Variants in TRPV1 observed in about 807,000 individuals in gnomAD.
TRPV1 encodes the protein OTRPC1.
Under a neutral mutation model 82.3 loss-of-function variants are expected in TRPV1, and 82 were observed. The ratio of observed to expected loss-of-function variants is 1.00; its 90% CI spans 0.83 to 1.20. The LOEUF is 1.20. TRPV1 is among the 50% of genes most tolerant of loss of function. TRPV1 has a pLI of 0.00. For missense variants in TRPV1, 1,067 were observed against 1,096.8 expected (o/e 0.97, Z 0.38); for synonymous variants, 515 against 467.7 (o/e 1.10, Z -1.30).
In TRPV1 at chr17:3,609,322, T is replaced by TGAGAGAGAGAGAGAGAGAGA. The variant is rs3840876; in HGVS notation, c.-206_-187dup. ...TATGTTTCATACCTGTCATGGATAC[T>TGAGAGAGAGAGAGAGAGAGA]GAGAGAGAGAGAGAGAGAGAGAGAG... On this transcript the variant is annotated 5_prime_UTR_variant, in exon 1 of 17. Transcript: ENST00000572705. The TGAGAGAGAGAGAGAGAGAGA allele has an allele frequency of 5.2e-4, 77 of 148,672 alleles. No individual in the cohort carries two copies. Among genetic ancestry groups the TGAGAGAGAGAGAGAGAGAGA allele is most frequent in the African/African-American group, 1.5e-3 (61 of 40,016 alleles). 9.2% of individuals were successfully genotyped at this position (148,672 alleles called of 1,614,324 possible). A position where few individuals can be genotyped will look rare whatever the true frequency, so the allele number is the denominator to read the frequency against.
At chr17:3,596,779 T>TA (rs1183176342) in intron 2 of TRPV1, 1 of 152,270 alleles carries the variant, frequency 6.6e-6, no homozygotes, top group African/African-American at 2.4e-5. Context: ...TCAGATAAGG[T>TA]AACTGGGGCA....
At chr17:3,583,970 C>T (rs539564768) in intron 9 of TRPV1, among the ~76,000 whole-genome samples, 1 of 152,206 alleles carries the variant, frequency 6.6e-6, no homozygotes, top group South Asian at 2.1e-4. Flanking sequence ...GCACATTTTT[C>T]TCTTAAAAAG....
At position 3,592,363 on chromosome 17, in the gene TRPV1, C is replaced by A. The variant is rs201580741; in HGVS notation, c.-13G>T. 41 of 1,578,980 alleles carry A rather than the reference C, an allele frequency of 2.6e-5. No homozygotes were observed. The highest frequency in any genetic ancestry group is 3.4e-5 in the Non-Finnish European group (40 of 1,162,380). ...TCCATTTCTTCATCCTTGCTGGATC[C>A]TCTGTGGCCCAGTGTGCAACCTGCA... On this transcript the variant is annotated 5_prime_UTR_variant, in exon 3 of 17. In the 5' UTR this introduces an upstream ATG that the reference lacks. Coordinates refer to ENST00000572705, the MANE Select transcript of TRPV1 (RefSeq NM_080704.4).
At chr17:3,583,089 C>T (rs568075486) in intron 10 of TRPV1, among the ~76,000 whole-genome samples, 11 of 152,250 alleles carry the variant, frequency 7.2e-5, no homozygotes, top group Admixed American at 5.2e-4. Flanking sequence ...TCAAATACTC[C>T]GTTCCGTGGA....
chr17:3,582,189 CAAAAA>C (rs71153376), intron 10 of TRPV1, among the ~76,000 whole-genome samples: 17 of 25,902 alleles, frequency 6.6e-4, no homozygotes, highest in South Asian at 3.0e-3. Flanking sequence ...GACTCCATCT[CAAAAA>C]AAAAAAAAAA....
Position 3,583,879 on chromosome 17 carries a change from C to A in TRPV1, c.1384-449G>T, listed in dbSNP as rs138200784. Among the ~76,000 whole-genome samples the A allele has an allele frequency of 3.9e-3, 600 of 152,310 alleles. 7 individuals are homozygous for A. Among genetic ancestry groups the A allele is most frequent in the East Asian group, 0.033 (170 of 5,168 alleles). On this transcript the variant is annotated intron_variant, in intron 9 of 16. Coordinates refer to ENST00000572705, the MANE Select transcript of TRPV1 (RefSeq NM_080704.4). ...GTGCCACACACACTTGTGGGTGTCA[C>A]CCTTGTATTTCAGTGGCCATTTCCT...
chr17:3,589,090 T>G, intron 7 of TRPV1: 1 of 861,294 alleles, frequency 1.2e-6, no homozygotes, highest in Admixed American at 2.1e-5. Flanking sequence ...GCTGGAGGCC[T>G]GTCACCAGGA....
Position 3,573,824 on chromosome 17 carries a change from G to T in TRPV1, c.1912C>A (p.Leu638Met). 6.2e-7 allele frequency: 1 copy of T among 1,613,868 alleles called. No homozygotes were observed. Residue 638 changes from leucine to methionine, a missense_variant, in exon 14 of 17, where the codon CTG (leucine) becomes ATG (methionine). Transcript: ENST00000572705. ...CCCATGCCGATGGTGAACTTGAACA[G>T]CTCCAGGCAGGTGGAGTACAGGCTG... ...YNSLYSTCLE[L>M]FKFTIGMGDL... is the part of the protein sequence containing the mutation.
chr17:3,577,289 C>T (rs1004054188), intron 12 of TRPV1, 97 bp from the exon 13 acceptor site: 39 of 1,327,504 alleles, frequency 2.9e-5, no homozygotes, highest in Admixed American at 4.2e-5. Context: ...GTCTTGAGAA[C>T]GTGCAGGGCG....
At chr17:3,599,754 G>A (rs548121549) in intron 2 of TRPV1, among the ~76,000 whole-genome samples, 115 of 151,288 alleles carry the variant, frequency 7.6e-4, no homozygotes, top group African/African-American at 2.6e-3. Context: ...TCAGCCTCCC[G>A]AGTAGTTGGG....
chr17:3,575,965 C>T (rs1331038137), intron 13 of TRPV1, among the ~76,000 whole-genome samples: 1 of 151,988 alleles, frequency 6.6e-6, no homozygotes, highest in Non-Finnish European at 1.5e-5. Flanking sequence ...GGTGGCTCAC[C>T]CTGTCATCCT....
rs748639589 is a variant in TRPV1 at position 3,580,456 on chromosome 17, C to T, written c.1547+1G>A. 8.7e-6 allele frequency: 14 copies of T among 1,613,912 alleles called. No homozygotes were observed. The highest frequency in any genetic ancestry group is 1.2e-5 in the Non-Finnish European group (14 of 1,179,912). Reference sequence around the variant, plus strand: ...TGGGAATGAGTCAAAGTGTCACTTACAAAAGCATCTCACTGTAGCTGTCCA... The same window carrying T: ...TGGGAATGAGTCAAAGTGTCACTTATAAAAGCATCTCACTGTAGCTGTCCA... On this transcript the variant is annotated splice_donor_variant, in intron 11 of 16. Coordinates refer to ENST00000572705, the MANE Select transcript of TRPV1 (RefSeq NM_080704.4). LOFTEE classifies it high-confidence loss of function.
At chr17:3,568,061 G>A (rs1342578307) in intron 16 of TRPV1, among the ~76,000 whole-genome samples, 4 of 152,118 alleles carry the variant, frequency 2.6e-5, no homozygotes, top group Middle Eastern at 3.2e-3. Context: ...GGTGGCTCAC[G>A]CCTGTAATCC....
intron 7 of TRPV1, chr17:3,588,841 A>G (rs2075116914): frequency 7.1e-7 from 1 of 1,411,920 alleles, no homozygotes; most frequent in South Asian, 1.3e-5. Context: ...CAAAACACAC[A>G]AACGTCAACC....
chr17:3,567,653 G>T (rs1004027803), intron 16 of TRPV1, among the ~76,000 whole-genome samples: 1 of 151,880 alleles, frequency 6.6e-6, no homozygotes, highest in Non-Finnish European at 1.5e-5. Context: ...CAACGCCGAG[G>T]CCTGTCCTGT....
At chr17:3,587,052 C>T (rs2075093820) in intron 8 of TRPV1, among the ~76,000 whole-genome samples, 1 of 152,148 alleles carries the variant, frequency 6.6e-6, no homozygotes, top group African/African-American at 2.4e-5. Flanking sequence ...GCCCTAGGGT[C>T]CCCAGGACAA....
At chr17:3,577,084 G>A (rs200364975) in intron 13 of TRPV1, 42 bp downstream of exon 13, 3 of 1,555,096 alleles carry the variant, frequency 1.9e-6, no homozygotes, top group South Asian at 1.2e-5. Flanking sequence ...GCTCAGCCAA[G>A]CAGGACCCCT....
At chr17:3,582,151 C>T (rs1332869878) in intron 10 of TRPV1, among the ~76,000 whole-genome samples, 3 of 131,582 alleles carry the variant, frequency 2.3e-5, no homozygotes, top group East Asian at 4.7e-4. Context: ...GATTGTGCCA[C>T]TGCACTCCAG....
chr17:3,590,077 G>A lies in TRPV1; in HGVS notation c.774C>T (p.Cys258=), dbSNP rs150198826. 96 of 1,605,670 alleles carry A rather than the reference G, an allele frequency of 6.0e-5. 2 individuals carry two copies. In the East Asian group the frequency reaches 2.1e-3, roughly 36 times the overall value. ...ACTTCACGATGCCCAGCTGGTTGGT[G>A]CACGCGGCCAGGGACAGGGGCAGTT... is the stretch of plus-strand genomic sequence containing the variant. The part of the protein sequence containing the change: ...FGELPLSLAA[C]TNQLGIVKFL... The change falls in exon 7 of 17, where the codon TGC becomes TGT. Residue 258 remains cysteine, a synonymous_variant. Coordinates refer to ENST00000572705, the MANE Select transcript of TRPV1 (RefSeq NM_080704.4).
Sources: allele counts gnomAD v4.1 joint callset (sites outside exome capture counted in the v4.1 genomes callset), GRCh38; gene constraint gnomAD v4.1.1; transcripts MANE v1.5; gene names NCBI Gene and HGNC (gene_info 2026-07-23, HGNC 2026-07-21).